The following THSD4 variants were observed in gnomAD, a reference collection of about 807,000 sequenced individuals.
THSD4 encodes the protein thrombospondin type-1 domain-containing protein 4.
A neutral mutation model predicts 119.0 loss-of-function variants in THSD4; 69 were observed. The observed-to-expected ratio is 0.58, with a 90% CI of 0.48 to 0.71. The LOEUF (loss-of-function observed/expected upper bound fraction) is 0.71, where lower values mean the gene tolerates loss of function less well. THSD4 is among the 30% of genes least tolerant of loss of function. The probability of loss-of-function intolerance (pLI) is 0.00; values close to 1 mark genes in which losing one functional copy is unlikely to be tolerated. For synonymous variants in THSD4, 524 were observed against 540.4 expected (o/e 0.97, Z 0.42); for missense variants, 1,393 against 1,391.1 (o/e 1.00, Z -0.02).
intron 3 of THSD4, among the ~76,000 whole-genome samples, chr15:71,168,559 C>G (rs2043318621): frequency 6.6e-6 from 1 of 152,100 alleles, no homozygotes; most frequent in Non-Finnish European, 1.5e-5. Flanking sequence ...CTTTTTTAAC[C>G]TGTTATTTAT....
chr15:71,222,160 A>G (rs926590439), intron 4 of THSD4, among the ~76,000 whole-genome samples: 2 of 152,218 alleles, frequency 1.3e-5, no homozygotes, highest in Non-Finnish European at 2.9e-5. Flanking sequence ...GCATCCAGAA[A>G]GACTCCCTGT....
intron 7 of THSD4, among the ~76,000 whole-genome samples, chr15:71,630,793 T>G (rs2050611907): frequency 6.6e-6 from 1 of 151,974 alleles, no homozygotes; most frequent in Non-Finnish European, 1.5e-5. Context: ...AGAGCAGGGT[T>G]TTTCAACAGC....
chr15:71,406,643 GGTGTGTGTGTGTGT>G (rs56347233), intron 6 of THSD4, among the ~76,000 whole-genome samples: 1,374 of 126,240 alleles, frequency 0.011, 34 homozygotes, highest in East Asian at 0.06. Context: ...AGGTTTGTTT[GGTGTGTGTGTGTGT>G]GTGTGTGTGT....
chr15:71,199,459 G>A lies in THSD4; in HGVS notation c.100-15576G>A, dbSNP rs1047321210. Among the ~76,000 whole-genome samples the A allele has an allele frequency of 3.6e-5, 5 of 138,052 alleles. No homozygotes were observed. The South Asian group carries it at 1.2e-3, about 33-fold the overall frequency. The allele number at this position is 138,052 out of a possible 152,430, so 90.6% of individuals were successfully genotyped here. ...GATAACTGTGTGTGTGTGTGGGGGG[G>A]GGTGTGTGTGTGTGGTGTGTGTGTG... On this transcript the variant is annotated intron_variant, in intron 3 of 17. Coordinates refer to ENST00000261862, the MANE Select transcript of THSD4 (RefSeq NM_024817.3).
At position 71,450,449 on chromosome 15, in the gene THSD4, C is replaced by G. The variant is rs117347860; in HGVS notation, c.1152+38626C>G. Among the ~76,000 whole-genome samples, 30 of 152,296 alleles carry G rather than the reference C, an allele frequency of 2.0e-4. No homozygotes were observed. In the East Asian group the frequency reaches 5.6e-3, roughly 28 times the overall value. ...ACAGAAGACACTTTGGGTTTGGGCT[C>G]AGAAGATTCAGCTCACATCCAGCTT... On this transcript the variant is annotated intron_variant, in intron 7 of 17. Transcript: ENST00000261862.
At chr15:71,754,396 G>A (rs1317356030) in intron 14 of THSD4, among the ~76,000 whole-genome samples, 1 of 152,010 alleles carries the variant, frequency 6.6e-6, no homozygotes, top group Non-Finnish European at 1.5e-5. Flanking sequence ...GGCCTACATT[G>A]TATTCTTTAC....
intron 7 of THSD4, among the ~76,000 whole-genome samples, chr15:71,412,799 G>C (rs2046707394): frequency 6.6e-6 from 1 of 152,046 alleles, no homozygotes; most frequent in African/African-American, 2.4e-5. Context: ...CATAAAGCAG[G>C]ATTGATATTC....
intron 7 of THSD4, among the ~76,000 whole-genome samples, chr15:71,610,987 G>A (rs543775269): frequency 5.9e-5 from 9 of 152,194 alleles, no homozygotes; most frequent in African/African-American, 1.9e-4. Context: ...AAGGACTGGG[G>A]TATGGAAAAG....
chr15:71,554,342 G>A (rs1031582745), intron 7 of THSD4, among the ~76,000 whole-genome samples: 10 of 151,028 alleles, frequency 6.6e-5, no homozygotes, highest in South Asian at 2.1e-4. Flanking sequence ...TGATCTGCCC[G>A]CCTCGGCCTC....
At chr15:71,245,992 A>G (rs1455850225) in intron 5 of THSD4, among the ~76,000 whole-genome samples, 4 of 152,116 alleles carry the variant, frequency 2.6e-5, no homozygotes, top group African/African-American at 7.2e-5. Flanking sequence ...GTAGACATTT[A>G]TCTGTCCTCC....
chr15:71,742,240 G>C (rs2053250897), intron 11 of THSD4, among the ~76,000 whole-genome samples: 1 of 152,154 alleles, frequency 6.6e-6, no homozygotes, highest in African/African-American at 2.4e-5. Context: ...TTGTCTAAGT[G>C]CTTCCAGCAT....
At chr15:71,721,142 A>G (rs4328388) in intron 8 of THSD4, among the ~76,000 whole-genome samples, 136,118 of 151,824 alleles carry the variant, frequency 0.9, 62,670 homozygotes, top group Non-Finnish European at 1. Context: ...CGAGGCAGGC[A>G]GATCACTTGA....
intron 6 of THSD4, among the ~76,000 whole-genome samples, chr15:71,359,296 G>A (rs2045862382): frequency 6.6e-6 from 1 of 152,170 alleles, no homozygotes; most frequent in African/African-American, 2.4e-5. Context: ...TCGCATCACT[G>A]TCCTCTTATT....
chr15:71,731,798 A>T (rs956038702), intron 10 of THSD4: 1 of 153,554 alleles, frequency 6.5e-6, no homozygotes, highest in African/African-American at 2.4e-5. Context: ...TTAAGAAAAA[A>T]CAACACAAAT....
intron 8 of THSD4, among the ~76,000 whole-genome samples, chr15:71,727,855 C>T (rs2052892724): frequency 6.7e-6 from 1 of 150,284 alleles, no homozygotes; most frequent in Non-Finnish European, 1.5e-5. Context: ...ATAAATCACC[C>T]ATATTCATAA....
At chr15:71,319,647 A>T (rs1042448833) in intron 6 of THSD4, among the ~76,000 whole-genome samples, 1 of 151,952 alleles carries the variant, frequency 6.6e-6, no homozygotes, top group African/African-American at 2.4e-5. Context: ...CCAGTCTATC[A>T]TTGATGGACA....
intron 7 of THSD4, among the ~76,000 whole-genome samples, chr15:71,628,298 GAC>G (rs2050546953): frequency 6.6e-6 from 1 of 152,170 alleles, no homozygotes; most frequent in Admixed American, 6.5e-5. Flanking sequence ...GGCTGAGAAT[GAC>G]ACACAGCCTT....
At chr15:71,456,987 G>C (rs2047348787) in intron 7 of THSD4, among the ~76,000 whole-genome samples, 1 of 151,928 alleles carries the variant, frequency 6.6e-6, no homozygotes, top group Non-Finnish European at 1.5e-5. Flanking sequence ...GTCTCATTGA[G>C]AGAACTTTGT....
intron 8 of THSD4, among the ~76,000 whole-genome samples, chr15:71,709,605 G>T (rs1394343627): frequency 6.6e-6 from 1 of 152,204 alleles, no homozygotes; most frequent in East Asian, 1.9e-4. Flanking sequence ...GAAACGCTGG[G>T]AAGAAAGTGA....
Sources: gnomAD v4.1 joint callset for allele counts (sites outside exome capture counted in the v4.1 genomes callset) on GRCh38, gnomAD v4.1.1 for gene constraint, MANE v1.5 for transcripts, NCBI Gene and HGNC (gene_info 2026-07-23, HGNC 2026-07-21) for gene names.